The following NEB variants were observed in gnomAD, a reference collection of about 807,000 sequenced individuals.
NEB encodes the protein nemaline myopathy type 2.
NEB carries 512 observed loss-of-function variants against 952.2 expected under a neutral mutation model. The ratio of observed to expected loss-of-function variants is 0.54; its 90% CI spans 0.50 to 0.58. The LOEUF (loss-of-function observed/expected upper bound fraction) is 0.58, where lower values mean the gene tolerates loss of function less well. Among genes scored for constraint, NEB ranks in the 20% least tolerant of loss-of-function variants. NEB has a pLI of 0.00. For missense variants in NEB, 8,428 were observed against 9,231.1 expected, an observed-to-expected ratio of 0.91 and a Z score of 3.56; for synonymous variants, 2,900 against 3,149.8, an observed-to-expected ratio of 0.92 and a Z score of 2.66.
intron 107 of NEB, among the ~76,000 whole-genome samples, chr2:151,574,487 C>T (rs1465803370): frequency 6.6e-6 from 1 of 152,000 alleles, no homozygotes; most frequent in East Asian, 1.9e-4. Flanking sequence ...TCTTTCTTAA[C>T]TAAGATTTTA....
chr2:151,519,790 C>G (rs534018659), intron 153 of NEB, 22 bp from the exon 154 acceptor site: 4 of 1,463,128 alleles, frequency 2.7e-6, no homozygotes, highest in South Asian at 2.3e-5. Flanking sequence ...TGCAAACATC[C>G]AAATTATTCC....
At chr2:151,554,339 T>C (rs907658747) in intron 125 of NEB, among the ~76,000 whole-genome samples, 5 of 152,082 alleles carry the variant, frequency 3.3e-5, no homozygotes, top group African/African-American at 9.7e-5. Flanking sequence ...GGCAGGAGAA[T>C]TGCTTGAGCC....
intron 39 of NEB, among the ~76,000 whole-genome samples, chr2:151,668,727 G>T (rs1004196257): frequency 6.6e-6 from 1 of 151,966 alleles, no homozygotes; most frequent in Non-Finnish European, 1.5e-5. Context: ...CTACAGACTA[G>T]GCACTCTTGT....
Position 151,506,186 on chromosome 2 carries a change from T to A in NEB, c.23629A>T (p.Thr7877Ser). ...TTTACCGAGCTAATGTGGTCCTGTG[T>A]TTGTTTCACTCTCATCATCTCAGGT... is the stretch of plus-strand genomic sequence containing the variant. ...KTPEMMRVKQ[T>S]QDHISSVKYK... Residue 7877 changes from threonine (T) to serine (S), a missense_variant, in exon 164 of 182, where the codon ACA (threonine) becomes TCA (serine). This residue lies in a region of NEB where 3,374 missense variants were observed against 3,651.5 expected (regional missense o/e 0.92). Transcript: ENST00000397345. 1.2e-6 allele frequency: 2 copies of A among 1,613,024 alleles called. No individual in the cohort carries two copies. Among genetic ancestry groups the A allele is most frequent in the Non-Finnish European group, 1.7e-6 (2 of 1,178,966 alleles).
intron 135 of NEB, among the ~76,000 whole-genome samples, chr2:151,541,957 C>T (rs1479541238): frequency 1.3e-5 from 2 of 152,178 alleles, no homozygotes; most frequent in African/African-American, 4.8e-5. Context: ...AGCCAATGGC[C>T]TTCATTCTTC....
At chr2:151,508,759 C>T (rs776871012) in intron 161 of NEB, among the ~76,000 whole-genome samples, 3 of 152,238 alleles carry the variant, frequency 2.0e-5, no homozygotes, top group Non-Finnish European at 2.9e-5. Context: ...TGGCCAAGGA[C>T]TGCTCTGAAC....
In NEB at chr2:151,640,624, T is replaced by C. The variant is rs1444333931; in HGVS notation, c.8416A>G (p.Ile2806Val). The change falls in exon 61 of 182, where the codon ATT (isoleucine) becomes GTT (valine). Residue 2806 changes from isoleucine to valine, a missense_variant. By Grantham distance (29) the Ile-to-Val change is conservative. Transcript: ENST00000397345. The part of the protein sequence containing the change: ...EGYRKQLGHH[I>V]GARAIRDDPK... ...TCATCACGTATAGCTCGGGCACCAA[T>C]GTGGTGGCCGAGCTGCTTACGATAG... The C allele has an allele frequency of 1.9e-6, 3 of 1,613,680 alleles. No homozygotes were observed. The highest frequency in any genetic ancestry group is 2.5e-6 in the Non-Finnish European group (3 of 1,179,802).
intron 58 of NEB, 101 bp from the exon 59 acceptor site, chr2:151,642,970 A>C: frequency 6.6e-6 from 8 of 1,212,902 alleles, no homozygotes; most frequent in Non-Finnish European, 9.2e-6. Flanking sequence ...AGCTCAGTGA[A>C]TCGGTATTTG....
chr2:151,612,822 A>T (rs1052263381), intron 77 of NEB, among the ~76,000 whole-genome samples: 1 of 152,140 alleles, frequency 6.6e-6, no homozygotes, highest in African/African-American at 2.4e-5. Context: ...CTGGTTGATC[A>T]CGTTGCATTA....
rs1292894553 is a variant in NEB, at chr2:151,565,131, T to C, written c.18384A>G (p.Thr6128=). The C allele has an allele frequency of 1.2e-5, 19 of 1,566,672 alleles. No homozygotes were observed. Among genetic ancestry groups the C allele is most frequent in the Non-Finnish European group, 1.4e-5 (16 of 1,145,028 alleles). The change falls in exon 117 of 182, where the codon ACA becomes ACG. Residue 6128 remains threonine, a synonymous_variant. Transcript: ENST00000397345. ...VNQSDVKYKE[T]FNKAKGKYTF... Reference sequence around the variant, plus strand: ...TATATTTGCCCTTTGCTTTATTAAATGTTTCTTTATATTTTACCTAAGGAG... The same window carrying C: ...TATATTTGCCCTTTGCTTTATTAAACGTTTCTTTATATTTTACCTAAGGAG...
chr2:151,501,353 T>C, intron 168 of NEB, 38 bp downstream of exon 168: 1 of 1,307,988 alleles, frequency 7.6e-7, no homozygotes, highest in Non-Finnish European at 1.1e-6. Flanking sequence ...GAAATTATTA[T>C]TTTTTAATAT....
rs1224439600 is a variant in NEB, at chr2:151,507,032, C to T, written c.23452-19G>A. 1 of 1,418,500 alleles carries T rather than the reference C, an allele frequency of 7.0e-7. No homozygotes were observed. Among genetic ancestry groups the T allele is most frequent in the Non-Finnish European group, 9.9e-7 (1 of 1,005,766 alleles). The allele number at this position is 1,418,500 out of a possible 1,614,324, so 87.9% of individuals were successfully genotyped here. A position where few individuals can be genotyped will look rare whatever the true frequency, so the allele number is the denominator to read the frequency against. On this transcript the variant is annotated intron_variant, in intron 162 of 181. Transcript: ENST00000397345. ...ATTGGAGCTATGAAGAAAGAGTAAA[C>T]ATCTTGTTAAGATTTCAACATTGCT...
chr2:151,690,113 G>A (rs1332172821), intron 24 of NEB: 2 of 154,012 alleles, frequency 1.3e-5, no homozygotes, highest in South Asian at 2.0e-4. Flanking sequence ...ATTAGAATCT[G>A]CACTTCAACA....
At position 151,524,562 on chromosome 2, in the gene NEB, G is replaced by A. The variant is rs1576203853; in HGVS notation, c.22327C>T (p.Arg7443Ter). The A allele has an allele frequency of 2.5e-6, 4 of 1,611,852 alleles. No individual in the cohort carries two copies. The highest frequency in any genetic ancestry group is 3.4e-6 in the Non-Finnish European group (4 of 1,179,300). The change falls in exon 152 of 182, where the codon CGA (arginine) becomes TGA (stop). Residue 7443 changes from arginine (R) to a stop codon, truncating the protein, a stop_gained. Coordinates refer to ENST00000397345, the MANE Select transcript of NEB (RefSeq NM_001164508.2). LOFTEE classifies it high-confidence loss of function. ...TGTGTGGCCTTCTTGATGTCTGGTC[G>A]ATCAGCCACTGTGGTGTAATGCAGG... ...ENLHYTTVAD[R>*]PDIKKATQAA...
chr2:151,729,432 G>T (rs768335266), intron 4 of NEB, among the ~76,000 whole-genome samples, 183 bp downstream of exon 4: 17 of 152,198 alleles, frequency 1.1e-4, no homozygotes, highest in Non-Finnish European at 2.4e-4. Context: ...AAAAAAAGGT[G>T]AAATAATCCA....
chr2:151,689,161 A>G (rs927947727), intron 24 of NEB: 9 of 151,510 alleles, frequency 5.9e-5, no homozygotes, highest in African/African-American at 2.2e-4. Context: ...CAATAATTCT[A>G]AATAAAATAC....
At chr2:151,727,070 A>C (rs200151543) in intron 5 of NEB, among the ~76,000 whole-genome samples, 2 of 150,934 alleles carry the variant, frequency 1.3e-5, no homozygotes, top group East Asian at 1.9e-4. Context: ...AAAAAAAAAA[A>C]CCTTTCTGCA....
chr2:151,619,663 T>C lies in NEB; in HGVS notation c.10660A>G (p.Lys3554Glu), dbSNP rs1553912139. The C allele has an allele frequency of 1.2e-6, 2 of 1,614,000 alleles. No individual in the cohort carries two copies. Among genetic ancestry groups the C allele is most frequent in the East Asian group, 2.2e-5 (1 of 44,874 alleles). The change falls in exon 73 of 182, where the codon AAA (lysine) becomes GAA (glutamate). Residue 3554 changes from lysine to glutamate, a missense_variant. Physicochemically the swap from Lys to Glu is moderately conservative, Grantham distance 56 (BLOSUM62 1). Coordinates refer to ENST00000397345, the MANE Select transcript of NEB (RefSeq NM_001164508.2). ...PKIMWSLHIA[K>E]VQSDREYKKD... ...TTGTACTCACGGTCACTCTGCACTT[T>C]GGCAATGTGGAGGGACCACATTATC... is the stretch of plus-strand genomic sequence containing the variant.
rs1284269878 is a variant in NEB, at chr2:151,607,234, A to G, written c.12639+270T>C. On this transcript the variant is annotated intron_variant, in intron 83 of 181. Coordinates refer to ENST00000397345, the MANE Select transcript of NEB (RefSeq NM_001164508.2). ...GGATCAATTAAAAAAACCTAAGATG[A>G]TAACAGAGACTGTTAAGAGTGAAGG... Among the ~76,000 whole-genome samples, 6 of 103,654 alleles carry G rather than the reference A, an allele frequency of 5.8e-5. 2 individuals carry two copies. Among genetic ancestry groups the G allele is most frequent in the Non-Finnish European group, 1.5e-4 (6 of 39,458 alleles). 68.0% of individuals were successfully genotyped at this position (103,654 alleles called of 152,430 possible).
Sources: allele counts gnomAD v4.1 joint callset (sites outside exome capture counted in the v4.1 genomes callset), GRCh38; gene constraint gnomAD v4.1.1; regional missense constraint gnomAD v4.1.1; transcripts MANE v1.5; gene names NCBI Gene and HGNC (gene_info 2026-07-23, HGNC 2026-07-21).